The following NEK10 variants were observed in gnomAD, a reference collection of about 807,000 sequenced individuals.
NEK10 encodes serine/threonine-protein kinase Nek10.
Under a neutral mutation model 159.8 loss-of-function variants are expected in NEK10, and 122 were observed. That is an observed-to-expected ratio of 0.76 (90% CI 0.66 to 0.89). NEK10 has a LOEUF of 0.89. Among genes scored for constraint, NEK10 ranks in the 40% least tolerant of loss-of-function variants. The pLI is 0.00. For missense variants in NEK10, 1,342 were observed against 1,323.1 expected (o/e 1.01, Z -0.22); for synonymous variants, 466 against 457.1 (o/e 1.02, Z -0.25).
intron 5 of NEK10, among the ~76,000 whole-genome samples, chr3:27,343,577 C>G (rs1422605519): frequency 2.6e-5 from 4 of 152,154 alleles, no homozygotes; most frequent in Admixed American, 6.5e-5. Flanking sequence ...AGACAAGACC[C>G]TATAATGACA....
At chr3:27,153,406 A>T (rs930503468) in intron 30 of NEK10, among the ~76,000 whole-genome samples, 1 of 152,180 alleles carries the variant, frequency 6.6e-6, no homozygotes, top group Non-Finnish European at 1.5e-5. Flanking sequence ...TCAAGACAGA[A>T]AGTCAACAGA....
intron 30 of NEK10, among the ~76,000 whole-genome samples, chr3:27,160,475 AAAAT>A (rs1452782823): frequency 2.0e-5 from 3 of 152,234 alleles, no homozygotes; most frequent in Non-Finnish European, 2.9e-5. Context: ...AAGGTTGAGA[AAAAT>A]AAAGTTCTCA....
At chr3:27,357,701 A>G (rs1439079620) in intron 1 of NEK10, among the ~76,000 whole-genome samples, 4 of 152,232 alleles carry the variant, frequency 2.6e-5, no homozygotes, top group Non-Finnish European at 5.9e-5. Context: ...CAGTCTGAAT[A>G]TCACCTGAAT....
At chr3:27,296,612 C>T (rs762007700) in intron 14 of NEK10, among the ~76,000 whole-genome samples, 14 of 152,004 alleles carry the variant, frequency 9.2e-5, no homozygotes, top group East Asian at 1.9e-4. Context: ...GTGATAGAAA[C>T]CCATACAAGG....
At position 27,293,178 on chromosome 3, in the gene NEK10, TTTCCCTTTGATTAAA is replaced by T. The variant is rs199710304; in HGVS notation, c.1373+395_1373+409del. 9.1e-3 allele frequency among the ~76,000 whole-genome samples: 1,388 copies of T among 152,306 alleles called. 10 individuals are homozygous for T. The highest frequency in any genetic ancestry group is 0.061 in the East Asian group (317 of 5,184). On this transcript the variant is annotated intron_variant, in intron 16 of 35. Coordinates refer to ENST00000691995, the MANE Select transcript of NEK10 (RefSeq NM_001394966.1). Reference sequence around the variant, plus strand: ...AAAGACACACAAAAAAACAGTTTGTTTTCCCTTTGATTAAATTCCCTTTGATTAAAGTGAAATTAC... The same window carrying T: ...AAAGACACACAAAAAAACAGTTTGTTTTCCCTTTGATTAAAGTGAAATTAC...
At chr3:27,313,141 T>C (rs2044845822) in intron 7 of NEK10, among the ~76,000 whole-genome samples, 1 of 151,268 alleles carries the variant, frequency 6.6e-6, no homozygotes, top group Admixed American at 6.6e-5. Flanking sequence ...GGCGCATGCC[T>C]GTAATCCCAG....
intron 23 of NEK10, 51 bp from the exon 24 acceptor site, chr3:27,202,608 C>G (rs776866737): frequency 4.2e-6 from 6 of 1,415,524 alleles, no homozygotes; most frequent in Non-Finnish European, 5.6e-6. Context: ...AGAATCCGCT[C>G]AGAAAGATCC....
chr3:27,120,846 C>T (rs1212470575), intron 32 of NEK10, among the ~76,000 whole-genome samples: 1 of 152,084 alleles, frequency 6.6e-6, no homozygotes, highest in Non-Finnish European at 1.5e-5. Flanking sequence ...TTCCAATTAT[C>T]ACTTGGGCTG....
chr3:27,119,957 G>A, intron 32 of NEK10, 89 bp from the exon 33 acceptor site: 2 of 877,324 alleles, frequency 2.3e-6, no homozygotes, highest in Non-Finnish European at 3.8e-6. Context: ...ATTTCCCTAT[G>A]TCTCTGCACA....
intron 30 of NEK10, among the ~76,000 whole-genome samples, chr3:27,148,448 C>A (rs542490896): frequency 3.0e-4 from 45 of 152,194 alleles, no homozygotes; most frequent in African/African-American, 9.9e-4. Context: ...TATGTATGTC[C>A]AAAATGGTAT....
intron 30 of NEK10, among the ~76,000 whole-genome samples, chr3:27,145,581 CAAG>C (rs1370357895): frequency 2.6e-5 from 4 of 152,140 alleles, no homozygotes; most frequent in Non-Finnish European, 5.9e-5. Flanking sequence ...AGAGGACTTG[CAAG>C]AAGAGCAGTC....
At chr3:27,218,542 T>G (rs1475663245) in intron 23 of NEK10, among the ~76,000 whole-genome samples, 1 of 147,178 alleles carries the variant, frequency 6.8e-6, no homozygotes. Context: ...GAAGCGGAGG[T>G]TGCAGTGAGC....
intron 26 of NEK10, among the ~76,000 whole-genome samples, chr3:27,184,938 T>C (rs900570758): frequency 9.9e-5 from 15 of 152,066 alleles, no homozygotes; most frequent in African/African-American, 3.6e-4. Flanking sequence ...CCCAGATAAA[T>C]AAATAGCACA....
chr3:27,258,070 A>G (rs891640846), intron 22 of NEK10, among the ~76,000 whole-genome samples: 1 of 151,976 alleles, frequency 6.6e-6, no homozygotes, highest in Non-Finnish European at 1.5e-5. Flanking sequence ...TGCTGGGATT[A>G]CAGGCGTGAG....
chr3:27,177,471 G>A (rs576991030), intron 26 of NEK10, among the ~76,000 whole-genome samples: 1 of 152,166 alleles, frequency 6.6e-6, no homozygotes, highest in Admixed American at 6.5e-5. Context: ...CATGATCCCA[G>A]GAGGCGGAGC....
chr3:27,261,384 A>G (rs1458352510), intron 22 of NEK10, among the ~76,000 whole-genome samples: 1 of 152,154 alleles, frequency 6.6e-6, no homozygotes, highest in Admixed American at 6.5e-5. Context: ...CCCTCTACAC[A>G]CTGCTTTGAA....
chr3:27,345,632 A>G (rs893226737), intron 4 of NEK10, among the ~76,000 whole-genome samples: 1 of 152,198 alleles, frequency 6.6e-6, no homozygotes, highest in Non-Finnish European at 1.5e-5. Context: ...AGAGATGAAC[A>G]TTACCTGACA....
Position 27,111,135 on chromosome 3 carries a change from T to C in NEK10, c.*137A>G, listed in dbSNP as rs776851577. 6.5e-5 allele frequency: 45 copies of C among 689,266 alleles called. No homozygotes were observed. The highest frequency in any genetic ancestry group is 5.0e-4 in the Middle Eastern group (2 of 4,028). The allele number at this position is 689,266 out of a possible 1,614,324, so 42.7% of individuals were successfully genotyped here. A position where few individuals can be genotyped will look rare whatever the true frequency, so the allele number is the denominator to read the frequency against. On this transcript the variant is annotated 3_prime_UTR_variant, in exon 36 of 36. Coordinates refer to ENST00000691995, the MANE Select transcript of NEK10 (RefSeq NM_001394966.1). Reference sequence around the variant, plus strand: ...CCAGCACAGGACCCCCAGAAAGAAGTCCTGCAGGCCCCATGGCATCTTGGT... The same window carrying C: ...CCAGCACAGGACCCCCAGAAAGAAGCCCTGCAGGCCCCATGGCATCTTGGT...
Position 27,109,602 on chromosome 3 carries a change from C to T in NEK10, c.*1670G>A, listed in dbSNP as rs563566603. Among the ~76,000 whole-genome samples, 28 of 152,240 alleles carry T rather than the reference C, an allele frequency of 1.8e-4. No individual in the cohort carries two copies. The highest frequency in any genetic ancestry group is 1.7e-3 in the South Asian group (8 of 4,818). On this transcript the variant is annotated 3_prime_UTR_variant, in exon 36 of 36. Coordinates refer to ENST00000691995, the MANE Select transcript of NEK10 (RefSeq NM_001394966.1). The stretch of plus-strand genomic sequence containing the variant: ...TCTCACCCCACAATTAGAATTTGTG[C>T]CCCTCCAGGTCTGTGCTTCCTGCAT...
Sources: gnomAD v4.1 joint callset for allele counts (sites outside exome capture counted in the v4.1 genomes callset) on GRCh38, gnomAD v4.1.1 for gene constraint, MANE v1.5 for transcripts, NCBI Gene and HGNC (gene_info 2026-07-23, HGNC 2026-07-21) for gene names.